AKAP1: variants seen among roughly 807,000 people sequenced by gnomAD.
AKAP1 encodes the protein A-kinase anchor protein 1, mitochondrial.
AKAP1 carries 32 observed loss-of-function variants against 79.8 expected under a neutral mutation model. That is an observed-to-expected ratio of 0.40 (90% CI 0.30 to 0.54). The LOEUF is 0.54. AKAP1 is among the 20% of genes least tolerant of loss of function. AKAP1 has a pLI of 0.47. For synonymous variants in AKAP1, 416 were observed against 466.7 expected, an observed-to-expected ratio of 0.89 and a Z score of 1.40; for missense variants, 961 against 1,138.9, an observed-to-expected ratio of 0.84 and a Z score of 2.25.
intron 1 of AKAP1, among the ~76,000 whole-genome samples, chr17:57,087,564 C>T (rs721425): frequency 0.34 from 52,103 of 152,054 alleles, 9,878 homozygotes; most frequent in Admixed American, 0.43. Flanking sequence ...TTTTCCTGTC[C>T]TAAAGACAAA....
intron 2 of AKAP1, among the ~76,000 whole-genome samples, chr17:57,107,461 G>A (rs987814048): frequency 6.6e-6 from 1 of 152,134 alleles, no homozygotes; most frequent in Non-Finnish European, 1.5e-5. Context: ...AGTTGGGCTC[G>A]CTGATTAACA....
At position 57,120,322 on chromosome 17, in the gene AKAP1, T is replaced by G; in HGVS notation, c.2710T>G (p.Ter904GlyextTer43). The G allele has an allele frequency of 6.2e-7, 1 of 1,613,300 alleles. No individual in the cohort carries two copies. Among genetic ancestry groups the G allele is most frequent in the South Asian group, 1.1e-5 (1 of 90,966 alleles). ...QWVDSYYTSL[*>G] ...GGTAGACAGCTACTACACAAGCCTTTGACCCCCATGCTGCTTCCTGAGAGT... is the reference window on the plus strand; with the variant it reads ...GGTAGACAGCTACTACACAAGCCTTGGACCCCCATGCTGCTTCCTGAGAGT... The change falls in exon 11 of 11, where the codon TGA becomes GGA. Residue 904 changes from the stop codon to glycine (G), a stop_lost. Transcript: ENST00000337714.
At chr17:57,092,295 C>G (rs958311784) in intron 1 of AKAP1, 2 of 152,214 alleles carry the variant, frequency 1.3e-5, no homozygotes, top group African/African-American at 4.8e-5. Context: ...TAACTCCAGC[C>G]CATCTAACTG....
At chr17:57,087,225 G>A (rs902161401) in intron 1 of AKAP1, among the ~76,000 whole-genome samples, 9 of 152,296 alleles carry the variant, frequency 5.9e-5, no homozygotes, top group Non-Finnish European at 8.8e-5. Flanking sequence ...GAACTTGCAG[G>A]TAACAGATCC....
chr17:57,097,948 T>A (rs554438217), intron 1 of AKAP1, among the ~76,000 whole-genome samples: 1 of 152,246 alleles, frequency 6.6e-6, no homozygotes, highest in Non-Finnish European at 1.5e-5. Flanking sequence ...CAAATTGGCT[T>A]AGTCACTGGG....
intron 2 of AKAP1, among the ~76,000 whole-genome samples, chr17:57,109,258 C>T (rs371013115): frequency 6.6e-6 from 1 of 152,262 alleles, no homozygotes; most frequent in Admixed American, 6.5e-5. Context: ...TGTGACGGTC[C>T]CTTTGGCACG....
In AKAP1 at chr17:57,106,223, G is replaced by C; in HGVS notation, c.759G>C (p.Val253=). The C allele has an allele frequency of 1.2e-6, 2 of 1,614,212 alleles. No homozygotes were observed. The highest frequency in any genetic ancestry group is 1.7e-6 in the Non-Finnish European group (2 of 1,180,050). The change falls in exon 2 of 11, where the codon GTG becomes GTC. Residue 253 remains valine, a synonymous_variant. Transcript: ENST00000337714. ...EDKGKSSSSQ[V]VGPVQEEEYV... is the part of the protein sequence containing the mutation. ...AGGGGAAGAGCAGCTCATCCCAGGT[G>C]GTGGGGCCAGTGCAGGAGGAAGAGT...
rs751285175 is a variant in AKAP1 at position 57,110,080 on chromosome 17, TGA to T, written c.1774_1775del (p.Ser592LeufsTer11). 1 of 1,614,172 alleles carries T rather than the reference TGA, an allele frequency of 6.2e-7. No homozygotes were observed. Among genetic ancestry groups the T allele is most frequent in the East Asian group, 2.2e-5 (1 of 44,874 alleles). Reference protein sequence around the residue: ...VDSCCSLKKTESFQNAQAGSN... With the variant: ...VDSCCSLKKTXSFQNAQAGSN... ...ATAGCTGTTGCAGTCTCAAGAAGAC[TGA>T]GAGCTTCCAAAATGCCCAGGCAGGC... On this transcript the variant is annotated frameshift_variant, in exon 3 of 11. Transcript: ENST00000337714. LOFTEE classifies it high-confidence loss of function.
intron 1 of AKAP1, chr17:57,096,760 C>T (rs1328597962): frequency 6.6e-6 from 1 of 152,426 alleles, no homozygotes; most frequent in African/African-American, 2.4e-5. Flanking sequence ...CACTACCCAG[C>T]AAGGTAGGTG....
intron 1 of AKAP1, among the ~76,000 whole-genome samples, chr17:57,100,148 C>T (rs911500790): frequency 2.0e-5 from 3 of 152,132 alleles, no homozygotes; most frequent in South Asian, 4.1e-4. Context: ...AACTAGCCCC[C>T]GGTGGGGTAG....
At chr17:57,116,759 C>A in intron 7 of AKAP1, 101 bp from the exon 8 acceptor site, 1 of 1,138,546 alleles carries the variant, frequency 8.8e-7, no homozygotes, top group Non-Finnish European at 1.3e-6. Flanking sequence ...TGCTTTGCTG[C>A]ATCCCAGGTT....
At chr17:57,118,279 T>G in intron 8 of AKAP1, 102 bp from the exon 9 acceptor site, 1 of 1,085,648 alleles carries the variant, frequency 9.2e-7, no homozygotes, top group Non-Finnish European at 1.4e-6. Flanking sequence ...TTCCACAGCA[T>G]CTGAAGCATT....
intron 1 of AKAP1, among the ~76,000 whole-genome samples, chr17:57,090,932 C>A (rs1293137203): frequency 6.6e-6 from 1 of 152,210 alleles, no homozygotes; most frequent in Non-Finnish European, 1.5e-5. Flanking sequence ...CATCTCCTGG[C>A]CCTCCAAAGG....
chr17:57,103,744 T>G (rs1000726362), intron 1 of AKAP1, among the ~76,000 whole-genome samples: 3 of 152,360 alleles, frequency 2.0e-5, no homozygotes, highest in African/African-American at 7.2e-5. Flanking sequence ...AAGCATTGAA[T>G]GTAAGTGTTC....
intron 7 of AKAP1, 39 bp downstream of exon 7, chr17:57,116,300 G>GT (rs746283848): frequency 1.2e-5 from 19 of 1,611,660 alleles, no homozygotes; most frequent in Non-Finnish European, 1.5e-5. Flanking sequence ...CGCCCTGCTT[G>GT]TTCTGGGATG....
intron 1 of AKAP1, among the ~76,000 whole-genome samples, chr17:57,090,917 C>T (rs1913745839): frequency 6.6e-6 from 1 of 152,210 alleles, no homozygotes; most frequent in African/African-American, 2.4e-5. Context: ...TTGGAGGTCA[C>T]AGACCATCTC....
intron 4 of AKAP1, 94 bp downstream of exon 4, chr17:57,112,018 G>T: frequency 6.7e-7 from 1 of 1,493,546 alleles, no homozygotes. Flanking sequence ...TTTTGGAATA[G>T]GAAACCCTGC....
In AKAP1 at chr17:57,118,398, C is replaced by G. The variant is rs376977102; in HGVS notation, c.2518C>G (p.Pro840Ala). 6 of 1,613,812 alleles carry G rather than the reference C, an allele frequency of 3.7e-6. No homozygotes were observed. The African/African-American group carries it at 8.0e-5, about 22-fold the overall frequency. ...MPLSDDDQFS[P>A]EADAAMSEMT... ...TCCTGAAGACGATGACCAGTTTTCA[C>G]CGGAAGCAGATGCCGCCATGAGCGA... The change falls in exon 9 of 11, where the codon CCG becomes GCG. Residue 840 changes from proline (P) to alanine (A), a missense_variant. Physicochemically the swap from Pro to Ala is conservative, Grantham distance 27. Transcript: ENST00000337714.
At chr17:57,117,710 T>C (rs927755842) in intron 8 of AKAP1, among the ~76,000 whole-genome samples, 2 of 152,208 alleles carry the variant, frequency 1.3e-5, no homozygotes, top group African/African-American at 4.8e-5. Context: ...CTTCTGTCCA[T>C]CTAAGCGATC....
Sources: allele counts gnomAD v4.1 joint callset (sites outside exome capture counted in the v4.1 genomes callset), GRCh38; gene constraint gnomAD v4.1.1; transcripts MANE v1.5; gene names NCBI Gene and HGNC (gene_info 2026-07-23, HGNC 2026-07-21).